Variants in WBP1L observed in about 807,000 individuals in gnomAD.
The protein encoded by WBP1L is WW domain binding protein 1-like.
WBP1L carries 17 observed loss-of-function variants against 33.7 expected under a neutral mutation model. The ratio of observed to expected loss-of-function variants is 0.50; its 90% CI spans 0.34 to 0.76. The LOEUF (loss-of-function observed/expected upper bound fraction) is 0.76, where lower values mean the gene tolerates loss of function less well. WBP1L is among the 30% of genes least tolerant of loss of function. WBP1L has a pLI of 0.01. For synonymous variants in WBP1L, 173 were observed against 190.8 expected, an observed-to-expected ratio of 0.91 and a Z score of 0.77; for missense variants, 389 against 469.4, an observed-to-expected ratio of 0.83 and a Z score of 1.58.
chr10:102,791,447 G>A (rs926363882), intron 1 of WBP1L, among the ~76,000 whole-genome samples: 1 of 152,136 alleles, frequency 6.6e-6, no homozygotes, highest in African/African-American at 2.4e-5. Flanking sequence ...ACATGGTTGG[G>A]GGAAGGGGGT....
At chr10:102,752,136 G>A (rs975559230) in intron 1 of WBP1L, among the ~76,000 whole-genome samples, 2 of 152,094 alleles carry the variant, frequency 1.3e-5, no homozygotes, top group South Asian at 2.1e-4. Flanking sequence ...AGTGCCACTG[G>A]TATCTAGTGA....
intron 3 of WBP1L, 140 bp downstream of exon 3, chr10:102,810,194 G>A (rs1240869211): frequency 1.7e-6 from 2 of 1,159,842 alleles, no homozygotes; most frequent in East Asian, 2.4e-5. Flanking sequence ...GCAAGGTCTT[G>A]AAAGTACAGG....
intron 1 of WBP1L, among the ~76,000 whole-genome samples, chr10:102,750,872 C>T (rs548400213): frequency 6.6e-6 from 1 of 152,272 alleles, no homozygotes; most frequent in East Asian, 1.9e-4. Flanking sequence ...CTTTCTAGCC[C>T]CTTTTCTTCC....
At chr10:102,767,985 T>C (rs1843134149) in intron 1 of WBP1L, among the ~76,000 whole-genome samples, 2 of 152,214 alleles carry the variant, frequency 1.3e-5, no homozygotes, top group Non-Finnish European at 2.9e-5. Flanking sequence ...TTCCATACTT[T>C]TATTCATGCT....
At chr10:102,766,513 T>C (rs1313038015) in intron 1 of WBP1L, among the ~76,000 whole-genome samples, 2 of 150,748 alleles carry the variant, frequency 1.3e-5, no homozygotes, top group African/African-American at 2.4e-5. Flanking sequence ...TCTCAGCTAC[T>C]TGGGAGGCTG....
At chr10:102,763,181 T>A (rs1843064441) in intron 1 of WBP1L, among the ~76,000 whole-genome samples, 1 of 123,978 alleles carries the variant, frequency 8.1e-6, no homozygotes, top group African/African-American at 3.2e-5. Context: ...CACTCCAGCC[T>A]GGGTGACAGA....
chr10:102,797,976 C>T lies in WBP1L; in HGVS notation c.91-17C>T. ...AGCTGTCATTTAATATGCTAACATG[C>T]TTTTTTAATTTTTTAGGATAAGGAA... On this transcript the variant is annotated splice_polypyrimidine_tract_variant and intron_variant, in intron 1 of 3. Transcript: ENST00000448841. 1 of 1,609,598 alleles carries T rather than the reference C, an allele frequency of 6.2e-7. No homozygotes were observed. Among genetic ancestry groups the T allele is most frequent in the Non-Finnish European group, 8.5e-7 (1 of 1,177,030 alleles).
intron 1 of WBP1L, among the ~76,000 whole-genome samples, chr10:102,769,356 CTTTCTT>C (rs960532578): frequency 1.5e-5 from 2 of 134,664 alleles, no homozygotes; most frequent in African/African-American, 5.2e-5. Context: ...TTTCTTTTTT[CTTTCTT>C]TTTTTTTTTT....
intron 1 of WBP1L, among the ~76,000 whole-genome samples, chr10:102,790,322 G>A (rs284841): frequency 0.82 from 124,194 of 151,952 alleles, 51,527 homozygotes; most frequent in Middle Eastern, 0.91. Context: ...TTGTTTGGTA[G>A]TGTTCTTTTC....
intron 1 of WBP1L, among the ~76,000 whole-genome samples, chr10:102,755,918 G>A (rs976134433): frequency 6.6e-6 from 1 of 151,606 alleles, no homozygotes; most frequent in Non-Finnish European, 1.5e-5. Context: ...GGTGGTGGGT[G>A]CCTGTAGTCC....
At chr10:102,805,146 G>A (rs148459345) in intron 2 of WBP1L, among the ~76,000 whole-genome samples, 98 of 152,116 alleles carry the variant, frequency 6.4e-4, no homozygotes, top group African/African-American at 2.2e-3. Flanking sequence ...AAATTAGCCA[G>A]GTGTGGTGTG....
At chr10:102,763,373 T>C (rs1843068240) in intron 1 of WBP1L, among the ~76,000 whole-genome samples, 1 of 152,138 alleles carries the variant, frequency 6.6e-6, no homozygotes, top group Non-Finnish European at 1.5e-5. Context: ...CGTAAGCTTA[T>C]ACATTGTGAC....
chr10:102,791,320 G>A (rs1482639246), intron 1 of WBP1L, among the ~76,000 whole-genome samples: 2 of 151,714 alleles, frequency 1.3e-5, no homozygotes, highest in African/African-American at 2.4e-5. Context: ...GGGTTTTATA[G>A]CAGAATAATT....
chr10:102,784,684 C>T (rs958476230), intron 1 of WBP1L, among the ~76,000 whole-genome samples: 9 of 152,012 alleles, frequency 5.9e-5, no homozygotes, highest in South Asian at 2.1e-4. Flanking sequence ...CTTGGCCTCC[C>T]AAAGTGCTGG....
intron 1 of WBP1L, among the ~76,000 whole-genome samples, chr10:102,750,463 A>G (rs1461358496): frequency 1.3e-5 from 2 of 152,176 alleles, no homozygotes; most frequent in African/African-American, 2.4e-5. Context: ...TAAAGTATAC[A>G]TAAATTGGTG....
In WBP1L at chr10:102,772,562, T is replaced by A. The variant is rs1284965647; in HGVS notation, c.91-25431T>A. Among the ~76,000 whole-genome samples the A allele has an allele frequency of 4.9e-5, 5 of 101,234 alleles. No individual in the cohort carries two copies. The East Asian group carries it at 1.4e-3, about 28-fold the overall frequency. 66.4% of individuals were successfully genotyped at this position (101,234 alleles called of 152,430 possible). On this transcript the variant is annotated intron_variant, in intron 1 of 3. Transcript: ENST00000448841. ...AAGCATGAGCCATGCCCGGCCCTTT[T>A]TTTTTTTTTTTTTTTTTTTTTTTTT... is the stretch of plus-strand genomic sequence containing the variant.
intron 2 of WBP1L, among the ~76,000 whole-genome samples, chr10:102,806,619 G>A (rs1843740043): frequency 6.6e-6 from 1 of 152,198 alleles, no homozygotes; most frequent in African/African-American, 2.4e-5. Flanking sequence ...ATGGTCTCTG[G>A]TTAGGAATGG....
intron 1 of WBP1L, among the ~76,000 whole-genome samples, chr10:102,746,499 T>C (rs535536816): frequency 2.0e-5 from 3 of 152,254 alleles, no homozygotes; most frequent in Admixed American, 2.0e-4. Context: ...GTACTAGATA[T>C]CTATAGTGAG....
chr10:102,794,674 T>C (rs1240369585), intron 1 of WBP1L, among the ~76,000 whole-genome samples: 2 of 152,098 alleles, frequency 1.3e-5, no homozygotes, highest in East Asian at 3.8e-4. Flanking sequence ...CAGTTGAGCC[T>C]GGAGGTCGAG....
Sources: allele counts gnomAD v4.1 joint callset (sites outside exome capture counted in the v4.1 genomes callset), GRCh38; gene constraint gnomAD v4.1.1; transcripts MANE v1.5; gene names NCBI Gene and HGNC (gene_info 2026-07-23, HGNC 2026-07-21).